The following HIGD1C variants were observed in gnomAD, a reference collection of about 807,000 sequenced individuals.
HIGD1C encodes the protein HIG1 hypoxia inducible domain family member 1C.
HIGD1C carries 11 observed loss-of-function variants against 13.1 expected under a neutral mutation model. The observed-to-expected ratio is 0.84, with a 90% CI of 0.53 to 1.39. The LOEUF (loss-of-function observed/expected upper bound fraction) is 1.39, where lower values mean the gene tolerates loss of function less well. Among genes scored for constraint, HIGD1C ranks in the 40% most tolerant of loss-of-function variants. HIGD1C has a pLI of 0.00. For synonymous variants in HIGD1C, 36 were observed against 37.7 expected (o/e 0.95, Z 0.17); for missense variants, 110 against 112.0 (o/e 0.98, Z 0.08).
downstream of HIGD1C, among the ~76,000 whole-genome samples, chr12:50,971,831 G>T (rs1939769661): frequency 6.6e-6 from 1 of 152,188 alleles, no homozygotes; most frequent in Non-Finnish European, 1.5e-5. Flanking sequence ...AGTATTTGGG[G>T]ATAAGAAAGA....
the HIGD1C span, among the ~76,000 whole-genome samples, chr12:50,934,273 C>T: frequency 6.6e-6 from 1 of 152,164 alleles, no homozygotes; most frequent in African/African-American, 2.4e-5. Flanking sequence ...AAGTAAAAGA[C>T]AAATTGAAAC....
chr12:50,937,147 C>T, the HIGD1C span, among the ~76,000 whole-genome samples: 65 of 152,288 alleles, frequency 4.3e-4, 1 homozygote, highest in South Asian at 0.013. Context: ...TTTTTTGGTG[C>T]TGCTTTGCCA....
chr12:50,962,238 C>T (rs989113322), intron 2 of HIGD1C, among the ~76,000 whole-genome samples: 1 of 150,662 alleles, frequency 6.6e-6, no homozygotes, highest in African/African-American at 2.4e-5. Flanking sequence ...AAATTACACA[C>T]ACACACACAC....
intron 1 of HIGD1C, 118 bp from the exon 4 acceptor site, chr12:50,960,848 AAT>A: frequency 3.8e-6 from 3 of 786,770 alleles, no homozygotes; most frequent in Non-Finnish European, 3.9e-6. Context: ...ATGTGTGGCT[AAT>A]TTTTTTTTTT....
the HIGD1C span, among the ~76,000 whole-genome samples, chr12:50,948,529 C>G: frequency 4.0e-5 from 6 of 151,736 alleles, no homozygotes; most frequent in Admixed American, 3.3e-4. Flanking sequence ...TCCTTTGACC[C>G]AGCAATTCCA....
chr12:50,957,834 G>A (rs1472779968), intron 1 of HIGD1C, among the ~76,000 whole-genome samples: 3 of 151,956 alleles, frequency 2.0e-5, no homozygotes, highest in African/African-American at 4.8e-5. Flanking sequence ...GCAGTGAGCC[G>A]AGATCATGCC....
intron 1 of HIGD1C, among the ~76,000 whole-genome samples, chr12:50,954,744 A>G (rs1565955544): frequency 6.6e-6 from 1 of 152,174 alleles, no homozygotes; most frequent in South Asian, 2.1e-4. Flanking sequence ...ACAAACAAAT[A>G]AACAAAAAAC....
chr12:50,962,713 A>AT (rs1469784260), intron 2 of HIGD1C, among the ~76,000 whole-genome samples: 2 of 152,062 alleles, frequency 1.3e-5, no homozygotes, highest in Non-Finnish European at 1.5e-5. Flanking sequence ...AGAAAAAAAA[A>AT]TTTTTTTGCT....
upstream of HIGD1C, among the ~76,000 whole-genome samples, chr12:50,952,606 AC>A (rs1423643884): frequency 6.6e-6 from 1 of 152,130 alleles, no homozygotes; most frequent in African/African-American, 2.4e-5. Context: ...CAGGTCTCAC[AC>A]ACAGGCGCAG....
At chr12:50,942,708 T>C in the HIGD1C span, among the ~76,000 whole-genome samples, 32,517 of 151,606 alleles carry the variant, frequency 0.21, 4,032 homozygotes, top group East Asian at 0.5. Context: ...TCTCTACAAA[T>C]AAAAAATTAG....
At chr12:50,943,694 C>T in the HIGD1C span, among the ~76,000 whole-genome samples, 4 of 150,304 alleles carry the variant, frequency 2.7e-5, no homozygotes, top group Admixed American at 2.0e-4. Flanking sequence ...TGGGTGACAG[C>T]GAGACTCTGT....
intron 2 of HIGD1C, among the ~76,000 whole-genome samples, chr12:50,962,147 A>T (rs1592261574): frequency 6.6e-6 from 1 of 152,288 alleles, no homozygotes; most frequent in Non-Finnish European, 1.5e-5. Context: ...CCACTTTGGG[A>T]TGCCGAGGCG....
At chr12:50,964,008 G>A (rs56402416) in intron 2 of HIGD1C, among the ~76,000 whole-genome samples, 27,751 of 152,074 alleles carry the variant, frequency 0.18, 2,891 homozygotes, top group East Asian at 0.5. Context: ...CCCTTCATAC[G>A]TCTTTGGATG....
chr12:50,958,144 G>C (rs1318097226), intron 1 of HIGD1C, among the ~76,000 whole-genome samples: 1 of 151,940 alleles, frequency 6.6e-6, no homozygotes, highest in Non-Finnish European at 1.5e-5. Context: ...TATTGGTAAA[G>C]ATGTCAATTC....
the HIGD1C span, among the ~76,000 whole-genome samples, chr12:50,941,806 G>T: frequency 5.3e-5 from 8 of 151,510 alleles, no homozygotes; most frequent in Admixed American, 5.3e-4. Flanking sequence ...TATCAACCAG[G>T]ACTGATTCCC....
chr12:50,953,273 T>G (rs1158842917), upstream of HIGD1C, among the ~76,000 whole-genome samples: 1 of 152,236 alleles, frequency 6.6e-6, no homozygotes, highest in East Asian at 1.9e-4. Context: ...TTGTGCTTCT[T>G]ACGCTTAAGT....
chr12:50,945,077 C>T, the HIGD1C span, among the ~76,000 whole-genome samples: 2 of 152,054 alleles, frequency 1.3e-5, no homozygotes, highest in Non-Finnish European at 2.9e-5. Flanking sequence ...GTTGATGGGA[C>T]GTATCTCAAA....
At chr12:50,931,289 C>T in the HIGD1C span, 1 of 151,918 alleles carries the variant, frequency 6.6e-6, no homozygotes, top group Non-Finnish European at 1.5e-5. Context: ...CCAAAGAAGA[C>T]TTTAAAAAGG....
chr12:50,946,896 C>A, the HIGD1C span, among the ~76,000 whole-genome samples: 1 of 152,084 alleles, frequency 6.6e-6, no homozygotes, highest in Non-Finnish European at 1.5e-5. Context: ...TACCATAGAA[C>A]TTAAAGTATA....
Sources: allele counts gnomAD v4.1 joint callset (sites outside exome capture counted in the v4.1 genomes callset), GRCh38; gene constraint gnomAD v4.1.1; transcripts MANE v1.5; gene names NCBI Gene and HGNC (gene_info 2026-07-23, HGNC 2026-07-21).